NAV1: variants seen among roughly 807,000 people sequenced by gnomAD.
NAV1 encodes neuron navigator 1, also known as pore membrane and/or filament interacting like protein 3.
NAV1 carries 18 observed loss-of-function variants against 175.2 expected under a neutral mutation model. That is an observed-to-expected ratio of 0.10 (90% confidence interval 0.07 to 0.15). The LOEUF is 0.15. Among genes scored for constraint, NAV1 ranks in the 10% least tolerant of loss-of-function variants. The pLI is 1.00. For missense variants in NAV1, 1,731 were observed against 2,436.6 expected, an observed-to-expected ratio of 0.71 and a Z score of 6.10; for synonymous variants, 897 against 978.7, an observed-to-expected ratio of 0.92 and a Z score of 1.56.
chr1:201,800,817 C>CTT (rs61404613), intron 15 of NAV1, among the ~76,000 whole-genome samples: 35,529 of 90,404 alleles, frequency 0.39, 7,627 homozygotes, highest in Non-Finnish European at 0.45. Flanking sequence ...CTTGGTGTAT[C>CTT]TTTTTTTTTT....
At chr1:201,555,055 C>T (rs1167515130) in intron 1 of NAV1, among the ~76,000 whole-genome samples, 1 of 152,162 alleles carries the variant, frequency 6.6e-6, no homozygotes, top group East Asian at 1.9e-4. Flanking sequence ...TGTCTATGTC[C>T]AAATTTCCCT....
At chr1:201,772,965 G>C (rs1341889255) in intron 3 of NAV1, among the ~76,000 whole-genome samples, 1 of 151,452 alleles carries the variant, frequency 6.6e-6, no homozygotes, top group Non-Finnish European at 1.5e-5. Context: ...CCTGGGAGGC[G>C]GAGCTTGCAG....
At chr1:201,679,088 G>GC (rs1288573536) in intron 1 of NAV1, among the ~76,000 whole-genome samples, 2 of 152,084 alleles carry the variant, frequency 1.3e-5, no homozygotes, top group Non-Finnish European at 2.9e-5. Flanking sequence ...CCCAAATGAA[G>GC]CCCCCTCCTG....
At chr1:201,816,451 C>A (rs1226336211) in intron 28 of NAV1, among the ~76,000 whole-genome samples, 1 of 151,956 alleles carries the variant, frequency 6.6e-6, no homozygotes, top group African/African-American at 2.4e-5. Flanking sequence ...TATTTCATAA[C>A]ATCATGTTAT....
intron 1 of NAV1, among the ~76,000 whole-genome samples, chr1:201,628,488 G>A (rs1010477135): frequency 3.3e-5 from 5 of 152,142 alleles, no homozygotes; most frequent in Non-Finnish European, 4.4e-5. Context: ...CCAGAGTCCC[G>A]GCCATCTAGG....
At chr1:201,786,514 G>C in exon 9 of NAV1, 1 of 1,614,036 alleles carries the variant, frequency 6.2e-7, no homozygotes, top group Non-Finnish European at 8.5e-7. Flanking sequence ...TGACCAGTCA[G>C]AGCTGCCTTC....
At chr1:201,581,376 G>A (rs1019933441) in intron 1 of NAV1, among the ~76,000 whole-genome samples, 14 of 152,192 alleles carry the variant, frequency 9.2e-5, no homozygotes, top group African/African-American at 3.1e-4. Flanking sequence ...ATGAGCATCA[G>A]ATTTTGAGAG....
intron 1 of NAV1, among the ~76,000 whole-genome samples, chr1:201,549,460 C>T (rs1665781084): frequency 6.6e-6 from 1 of 152,204 alleles, no homozygotes; most frequent in Non-Finnish European, 1.5e-5. Flanking sequence ...CCACCTGCTT[C>T]AAACTCCCAA....
intron 1 of NAV1, among the ~76,000 whole-genome samples, chr1:201,653,166 A>G (rs1037151398): frequency 6.6e-6 from 1 of 152,160 alleles, no homozygotes; most frequent in Non-Finnish European, 1.5e-5. Context: ...TGTCTGTACT[A>G]TAGTAACACC....
chr1:201,794,210 G>A (rs1038363946), intron 14 of NAV1: 11 of 632,172 alleles, frequency 1.7e-5, no homozygotes, highest in Non-Finnish European at 2.9e-5. Flanking sequence ...GGAGTGCACT[G>A]GCGCGATCTT....
At chr1:201,706,921 TG>T (rs1400946740) in intron 1 of NAV1, among the ~76,000 whole-genome samples, 1 of 152,208 alleles carries the variant, frequency 6.6e-6, no homozygotes, top group African/African-American at 2.4e-5. Context: ...CTCTGAATTT[TG>T]GGGGGTTATT....
chr1:201,741,334 C>T (rs890387970), intron 3 of NAV1, among the ~76,000 whole-genome samples: 3 of 152,176 alleles, frequency 2.0e-5, no homozygotes, highest in African/African-American at 7.2e-5. Context: ...TGAAGCCCCC[C>T]TGGAATGTGA....
chr1:201,665,332 A>G (rs1044722581), intron 1 of NAV1, among the ~76,000 whole-genome samples: 5 of 151,958 alleles, frequency 3.3e-5, no homozygotes, highest in Admixed American at 1.3e-4. Context: ...CCTGGGTACA[A>G]TGTGTTCTCA....
intron 1 of NAV1, among the ~76,000 whole-genome samples, chr1:201,689,712 C>T (rs1670825327): frequency 6.6e-6 from 1 of 152,170 alleles, no homozygotes; most frequent in African/African-American, 2.4e-5. Flanking sequence ...TCTGTTTGTA[C>T]CTTCCCCTAA....
chr1:201,790,203 A>G (rs1238219923), intron 11 of NAV1, among the ~76,000 whole-genome samples: 3 of 152,226 alleles, frequency 2.0e-5, no homozygotes, highest in Non-Finnish European at 4.4e-5. Flanking sequence ...GCATTTGGCT[A>G]TTAGGCATTT....
chr1:201,814,598 A>G (rs891013702), intron 28 of NAV1, among the ~76,000 whole-genome samples: 5 of 152,140 alleles, frequency 3.3e-5, no homozygotes, highest in Non-Finnish European at 5.9e-5. Flanking sequence ...TGATATAGTA[A>G]ATTTCTAAAG....
chr1:201,541,996 G>GT (rs1553235739), intron 1 of NAV1, among the ~76,000 whole-genome samples: 1 of 152,080 alleles, frequency 6.6e-6, no homozygotes, highest in Non-Finnish European at 1.5e-5. Flanking sequence ...TTCTTGAAGG[G>GT]TTTGGCCTTT....
chr1:201,797,482 G>A (rs1226672053), intron 15 of NAV1: 1 of 152,100 alleles, frequency 6.6e-6, no homozygotes, highest in Admixed American at 6.5e-5. Flanking sequence ...CTTTTTCAAG[G>A]TTGTTTTGGC....
chr1:201,662,027 T>C (rs1187108831), intron 1 of NAV1, among the ~76,000 whole-genome samples: 1 of 152,216 alleles, frequency 6.6e-6, no homozygotes, highest in Non-Finnish European at 1.5e-5. Flanking sequence ...TTCCCCAAGG[T>C]CACACAGCCA....
Sources: gnomAD v4.1 joint callset for allele counts (sites outside exome capture counted in the v4.1 genomes callset) on GRCh38, gnomAD v4.1.1 for gene constraint, MANE v1.5 for transcripts, NCBI Gene and HGNC (gene_info 2026-07-23, HGNC 2026-07-21) for gene names.